UNC5C: variants seen among roughly 807,000 people sequenced by gnomAD.
UNC5C encodes unc-5 netrin receptor C.
UNC5C carries 47 observed loss-of-function variants against 99.8 expected under a neutral mutation model. The ratio of observed to expected loss-of-function variants is 0.47; its 90% CI spans 0.37 to 0.60. The LOEUF (loss-of-function observed/expected upper bound fraction) is 0.60, where lower values mean the gene tolerates loss of function less well. UNC5C is among the 20% of genes least tolerant of loss of function. The probability of loss-of-function intolerance (pLI) is 0.00; values close to 1 mark genes in which losing one functional copy is unlikely to be tolerated. For synonymous variants in UNC5C, 487 were observed against 452.2 expected, an observed-to-expected ratio of 1.08 and a Z score of -0.98; for missense variants, 1,062 against 1,165.9, an observed-to-expected ratio of 0.91 and a Z score of 1.30.
At chr4:95,216,896 T>C (rs577088834) in intron 9 of UNC5C, among the ~76,000 whole-genome samples, 1 of 152,336 alleles carries the variant, frequency 6.6e-6, no homozygotes, top group East Asian at 1.9e-4. Flanking sequence ...AGATTACTGG[T>C]CCCTACCCCG....
chr4:95,291,105 A>T (rs1052019645), intron 3 of UNC5C, among the ~76,000 whole-genome samples: 2 of 152,148 alleles, frequency 1.3e-5, no homozygotes, highest in African/African-American at 2.4e-5. Context: ...AGAGTTTTTT[A>T]AAAAAATAAA....
At chr4:95,382,792 GA>G (rs1346815359) in intron 1 of UNC5C, among the ~76,000 whole-genome samples, 3 of 152,180 alleles carry the variant, frequency 2.0e-5, no homozygotes, top group Admixed American at 1.3e-4. Context: ...ATGCTTGGCT[GA>G]ATGTAAAGCC....
intron 12 of UNC5C, among the ~76,000 whole-genome samples, chr4:95,190,479 TAAAGTA>T (rs1323458012): frequency 6.6e-6 from 1 of 151,264 alleles, no homozygotes; most frequent in Non-Finnish European, 1.5e-5. Flanking sequence ...CCCGAGAACT[TAAAGTA>T]GAATAAAAAA....
intron 4 of UNC5C, among the ~76,000 whole-genome samples, chr4:95,254,477 T>A (rs926262306): frequency 2.6e-5 from 4 of 152,192 alleles, no homozygotes; most frequent in Non-Finnish European, 4.4e-5. Flanking sequence ...TCAGTGTGTT[T>A]TAAGCTCCCC....
At chr4:95,505,026 C>A (rs987657693) in intron 1 of UNC5C, among the ~76,000 whole-genome samples, 2 of 151,990 alleles carry the variant, frequency 1.3e-5, no homozygotes, top group African/African-American at 4.8e-5. Flanking sequence ...TAATCTCTTA[C>A]TAAATAAAAA....
chr4:95,462,227 A>G (rs986588259), intron 1 of UNC5C, among the ~76,000 whole-genome samples: 6 of 152,148 alleles, frequency 3.9e-5, no homozygotes, highest in African/African-American at 1.4e-4. Context: ...ATGTGTACAC[A>G]TATTATACCA....
In UNC5C at chr4:95,438,468, C is replaced by T. The variant is rs568260209; in HGVS notation, c.125-102837G>A. ...AAATATCATATAAATAAAATGAACACAAAAATACATGAAAAGTATAGCATA... is the reference window on the plus strand; with the variant it reads ...AAATATCATATAAATAAAATGAACATAAAAATACATGAAAAGTATAGCATA... On this transcript the variant is annotated intron_variant, in intron 1 of 15. Coordinates refer to ENST00000453304, the MANE Select transcript of UNC5C (RefSeq NM_003728.4). Among the ~76,000 whole-genome samples the T allele has an allele frequency of 2.0e-5, 3 of 151,988 alleles. No homozygotes were observed. In the South Asian group the frequency reaches 6.2e-4, roughly 32 times the overall value.
chr4:95,222,263 A>T, intron 7 of UNC5C: 3 of 1,468,278 alleles, frequency 2.0e-6, no homozygotes, highest in Non-Finnish European at 1.8e-6. Flanking sequence ...GGGATAAATG[A>T]AACCTTGAAA....
chr4:95,368,579 T>G (rs1744651112), intron 1 of UNC5C, among the ~76,000 whole-genome samples: 1 of 152,180 alleles, frequency 6.6e-6, no homozygotes, highest in Non-Finnish European at 1.5e-5. Context: ...AAGCCAGTTA[T>G]GACTTACAGG....
chr4:95,424,512 TCTTTTC>T lies in UNC5C; in HGVS notation c.125-88887_125-88882del, dbSNP rs1478295533. Among the ~76,000 whole-genome samples the T allele has an allele frequency of 5.9e-5, 8 of 134,944 alleles. No homozygotes were observed. The East Asian group carries it at 1.3e-3, about 23-fold the overall frequency. 88.5% of individuals were successfully genotyped at this position (134,944 alleles called of 152,430 possible). On this transcript the variant is annotated intron_variant, in intron 1 of 15. Coordinates refer to ENST00000453304, the MANE Select transcript of UNC5C (RefSeq NM_003728.4). ...TAACAGGGCTTCAGAATTTTTTTTT[TCTTTTC>T]TTTTTTTTTTTTTTTTTTTTTGAGA...
chr4:95,255,365 T>G (rs1167227546), intron 4 of UNC5C, among the ~76,000 whole-genome samples: 4 of 152,108 alleles, frequency 2.6e-5, no homozygotes, highest in Non-Finnish European at 5.9e-5. Flanking sequence ...AGATCACAAG[T>G]GGGCCTTTAT....
intron 3 of UNC5C, among the ~76,000 whole-genome samples, chr4:95,283,664 C>T (rs1741138047): frequency 6.6e-6 from 1 of 152,206 alleles, no homozygotes. Flanking sequence ...CACTTGTCAG[C>T]TGGGAATTAG....
intron 2 of UNC5C, among the ~76,000 whole-genome samples, chr4:95,308,295 C>T (rs1742132464): frequency 6.6e-6 from 1 of 152,030 alleles, no homozygotes; most frequent in Non-Finnish European, 1.5e-5. Context: ...AGTAATGATT[C>T]TATACATGAA....
At chr4:95,247,050 TA>T (rs58266683) in intron 5 of UNC5C, among the ~76,000 whole-genome samples, 39,897 of 147,352 alleles carry the variant, frequency 0.27, 5,894 homozygotes, top group East Asian at 0.58. Flanking sequence ...AATAAAAAAA[TA>T]AAAAAAAAAG....
rs1248842074 is a variant in UNC5C, at chr4:95,182,300, ATTTGTG to A, written c.2451+591_2451+596del. Among the ~76,000 whole-genome samples the A allele has an allele frequency of 2.0e-5, 3 of 152,194 alleles. No individual in the cohort carries two copies. In the East Asian group the frequency reaches 5.8e-4, roughly 29 times the overall value. On this transcript the variant is annotated intron_variant, in intron 14 of 15. Coordinates refer to ENST00000453304, the MANE Select transcript of UNC5C (RefSeq NM_003728.4). ...GGGGAAATACGGAGATTCTACTTCT[ATTTGTG>A]GCATATTTCCCCCATCCCGGAGGAA...
At chr4:95,282,367 T>C (rs10516963) in intron 3 of UNC5C, among the ~76,000 whole-genome samples, 102,672 of 152,028 alleles carry the variant, frequency 0.68, 35,698 homozygotes, top group African/African-American at 0.85. Context: ...AGAAACCAAG[T>C]TGTGATGAGG....
intron 1 of UNC5C, among the ~76,000 whole-genome samples, chr4:95,378,377 G>C (rs1329806959): frequency 7.4e-6 from 1 of 135,608 alleles, no homozygotes; most frequent in Non-Finnish European, 1.5e-5. Flanking sequence ...CTAGGTTGAA[G>C]TACTGAAGAA....
intron 3 of UNC5C, among the ~76,000 whole-genome samples, chr4:95,283,294 T>C (rs1475933784): frequency 1.3e-5 from 2 of 152,224 alleles, no homozygotes; most frequent in African/African-American, 4.8e-5. Context: ...CATCACTGAA[T>C]ACCACAGAAT....
At chr4:95,395,633 G>A (rs951802884) in intron 1 of UNC5C, among the ~76,000 whole-genome samples, 1 of 152,078 alleles carries the variant, frequency 6.6e-6, no homozygotes, top group Admixed American at 6.6e-5. Context: ...ACTAATCGGG[G>A]GAGTTTCTAG....
Sources: gnomAD v4.1 joint callset for allele counts (sites outside exome capture counted in the v4.1 genomes callset) on GRCh38, gnomAD v4.1.1 for gene constraint, MANE v1.5 for transcripts, NCBI Gene and HGNC (gene_info 2026-07-23, HGNC 2026-07-21) for gene names.